PLAAT1: variants seen among roughly 807,000 people sequenced by gnomAD.
The protein encoded by PLAAT1 is phospholipase A and acyltransferase 1.
PLAAT1 carries 13 observed loss-of-function variants against 16.4 expected under a neutral mutation model. The ratio of observed to expected loss-of-function variants is 0.79; its 90% confidence interval spans 0.52 to 1.26. The LOEUF (loss-of-function observed/expected upper bound fraction) is 1.26, where lower values mean the gene tolerates loss of function less well. Among genes scored for constraint, PLAAT1 ranks in the 50% most tolerant of loss-of-function variants. The pLI, the probability that PLAAT1 is intolerant of heterozygous loss-of-function variation, is 0.00. For synonymous variants in PLAAT1, 73 were observed against 78.4 expected (o/e 0.93, Z 0.36); for missense variants, 218 against 207.8 (o/e 1.05, Z -0.30).
chr3:193,249,252 C>A (rs559637946), intron 1 of PLAAT1, among the ~76,000 whole-genome samples: 36 of 152,158 alleles, frequency 2.4e-4, no homozygotes, highest in Non-Finnish European at 4.9e-4. Context: ...CTTTAACTTT[C>A]CACAATTTGA....
At chr3:193,274,628 T>C (rs967442671), downstream of PLAAT1, among the ~76,000 whole-genome samples, 3 of 152,208 alleles carry the variant, frequency 2.0e-5, no homozygotes, top group Admixed American at 6.5e-5. Context: ...GGAAAAGATA[T>C]ATATGTAAAT....
At chr3:193,275,552 A>G (rs750671031), downstream of PLAAT1, among the ~76,000 whole-genome samples, 5 of 152,128 alleles carry the variant, frequency 3.3e-5, no homozygotes, top group South Asian at 6.2e-4. Context: ...AGTCCTGGCT[A>G]GGGATTTTCT....
chr3:193,247,255 A>G (rs1305821257), intron 1 of PLAAT1, among the ~76,000 whole-genome samples: 1 of 152,032 alleles, frequency 6.6e-6, no homozygotes, highest in Admixed American at 6.6e-5. Context: ...CCTCTGACCC[A>G]CCCCACAGGT....
At chr3:193,271,367 C>T (rs553461811), downstream of PLAAT1, among the ~76,000 whole-genome samples, 5 of 152,162 alleles carry the variant, frequency 3.3e-5, no homozygotes, top group Non-Finnish European at 5.9e-5. Flanking sequence ...ACATATTATT[C>T]CCTTTGGATT....
intron 3 of PLAAT1, 35 bp downstream of exon 3, chr3:193,263,270 A>G (rs1378605810): frequency 6.3e-7 from 1 of 1,594,840 alleles, no homozygotes; most frequent in Non-Finnish European, 8.6e-7. Flanking sequence ...TTACATTGAG[A>G]AAAGAATAAC....
At chr3:193,260,798 A>G (rs542717432) in intron 2 of PLAAT1, among the ~76,000 whole-genome samples, 12 of 152,328 alleles carry the variant, frequency 7.9e-5, no homozygotes, top group Admixed American at 1.3e-4. Flanking sequence ...AGATTTATCA[A>G]AGAGCTTAAA....
intron 2 of PLAAT1, among the ~76,000 whole-genome samples, chr3:193,260,168 A>T (rs1716531218): frequency 6.6e-6 from 1 of 152,202 alleles, no homozygotes; most frequent in South Asian, 2.1e-4. Flanking sequence ...TAAGAAAAAA[A>T]ACTGGACCTC....
At chr3:193,280,366 A>G (rs571134828), downstream of PLAAT1, among the ~76,000 whole-genome samples, 2 of 152,134 alleles carry the variant, frequency 1.3e-5, no homozygotes, top group South Asian at 4.2e-4. Flanking sequence ...TTTTTCTTAA[A>G]CCAGTTAAAA....
chr3:193,278,618 A>G (rs1405606206), downstream of PLAAT1, among the ~76,000 whole-genome samples: 1 of 152,120 alleles, frequency 6.6e-6, no homozygotes, highest in African/African-American at 2.4e-5. Flanking sequence ...TACCTGGCAA[A>G]ATGTGGCCTA....
At chr3:193,264,575 C>T (rs1271734391) in intron 3 of PLAAT1, among the ~76,000 whole-genome samples, 2 of 151,946 alleles carry the variant, frequency 1.3e-5, no homozygotes, top group African/African-American at 4.8e-5. Flanking sequence ...ACGATCTCAG[C>T]TCACTGCAAC....
chr3:193,244,482 A>G (rs950293558), intron 1 of PLAAT1, among the ~76,000 whole-genome samples: 1 of 151,216 alleles, frequency 6.6e-6, no homozygotes, highest in Non-Finnish European at 1.5e-5. Context: ...TTTTTTTTTA[A>G]ATTGACAATG....
At chr3:193,244,084 A>G (rs1234473357) in intron 1 of PLAAT1, among the ~76,000 whole-genome samples, 2 of 152,092 alleles carry the variant, frequency 1.3e-5, no homozygotes, top group Admixed American at 6.5e-5. Flanking sequence ...GTAGTATTCC[A>G]TGGTAGGCCT....
At chr3:193,267,717 G>A (rs1716830154) in intron 3 of PLAAT1, among the ~76,000 whole-genome samples, 2 of 152,046 alleles carry the variant, frequency 1.3e-5, no homozygotes, top group African/African-American at 4.8e-5. Flanking sequence ...AGCTCCTTTG[G>A]GTAAGTACCA....
At chr3:193,277,639 G>A (rs992383538) in exon 3 of PLAAT1, 2 of 152,160 alleles carry the variant, frequency 1.3e-5, no homozygotes, top group Non-Finnish European at 2.9e-5. Context: ...TCCCCAGGTG[G>A]AGACAGTCTT....
chr3:193,256,523 G>A (rs921014130), intron 2 of PLAAT1, among the ~76,000 whole-genome samples: 13 of 152,134 alleles, frequency 8.5e-5, no homozygotes, highest in African/African-American at 2.7e-4. Flanking sequence ...AAGAAGAAAA[G>A]CAAAAGCTAA....
chr3:193,241,163 C>A, upstream of PLAAT1: 1 of 1,188,890 alleles, frequency 8.4e-7, no homozygotes, highest in Non-Finnish European at 1.0e-6. Context: ...CGGGGCCAAG[C>A]GAGGTCTAGC....
intron 2 of PLAAT1, among the ~76,000 whole-genome samples, chr3:193,258,974 C>T (rs1716486496): frequency 6.6e-6 from 1 of 152,204 alleles, no homozygotes; most frequent in East Asian, 1.9e-4. Context: ...GGCCAGTATT[C>T]CTGATGAACA....
rs150917197 is a variant in PLAAT1, at chr3:193,251,224, T to A, written c.1-4427T>A. Among the ~76,000 whole-genome samples, 16 of 152,262 alleles carry A rather than the reference T, an allele frequency of 1.1e-4. 1 individual carries two copies. In the South Asian group the frequency reaches 3.1e-3, roughly 30 times the overall value. On this transcript the variant is annotated intron_variant, in intron 1 of 3. Coordinates refer to ENST00000264735, the MANE Select transcript of PLAAT1 (RefSeq NM_020386.5). ...CAGGAGCAAACCAGGCAAGAAAGCA[T>A]GTTCTTGCTGGCAGAGGCCTCCAGC...
chr3:193,276,656 G>T lies in PLAAT1; in HGVS notation c.*60-980G>T, dbSNP rs985110015. The T allele has an allele frequency of 1.1e-5, 9 of 831,844 alleles. No homozygotes were observed. In the Admixed American group the frequency reaches 1.8e-4, roughly 17 times the overall value. 51.5% of individuals were successfully genotyped at this position (831,844 alleles called of 1,614,324 possible). ...AACCCTTAATAACTGTCATTTTGGG[G>T]GATCAAAGTGGTTGCTCTAGAAAAT... On this transcript the variant is annotated intron_variant and NMD_transcript_variant, in intron 2 of 2. Transcript: ENST00000416012.
Sources: gnomAD v4.1 joint callset for allele counts (sites outside exome capture counted in the v4.1 genomes callset) on GRCh38, gnomAD v4.1.1 for gene constraint, MANE v1.5 for transcripts, NCBI Gene and HGNC (gene_info 2026-07-23, HGNC 2026-07-21) for gene names.